Variants in SYNE1 observed in about 807,000 individuals in gnomAD.
SYNE1 encodes the protein spectrin repeat containing nuclear envelope protein 1.
Under a neutral mutation model 1,111.0 loss-of-function variants are expected in SYNE1, and 616 were observed. The ratio of observed to expected loss-of-function variants is 0.55; its 90% CI spans 0.52 to 0.59. The LOEUF (loss-of-function observed/expected upper bound fraction) is 0.59. Ranked by LOEUF, SYNE1 falls within the 20% of genes least tolerant of loss-of-function variation. SYNE1 has a pLI of 0.00. For missense variants in SYNE1, 10,006 were observed against 10,417.0 expected, an observed-to-expected ratio of 0.96 and a Z score of 1.72; for synonymous variants, 3,855 against 3,825.8, an observed-to-expected ratio of 1.01 and a Z score of -0.28.
At chr6:152,633,487 G>GC (rs2099701345) in intron 2 of SYNE1, among the ~76,000 whole-genome samples, 1 of 152,198 alleles carries the variant, frequency 6.6e-6, no homozygotes, top group South Asian at 2.1e-4. Flanking sequence ...ACAAAGGAGG[G>GC]CAAGTATTGT....
chr6:152,321,227 C>G lies in SYNE1; in HGVS notation c.16236+11G>C, dbSNP rs771327621. The stretch of plus-strand genomic sequence containing the variant: ...AAATGGAAAGACACTCTTTCTTGAT[C>G]ATAGGTTTACCTGATCTCGGATCTT... On this transcript the variant is annotated intron_variant, in intron 84 of 145. Coordinates refer to ENST00000367255, the MANE Select transcript of SYNE1 (RefSeq NM_182961.4). The G allele has an allele frequency of 9.9e-6, 16 of 1,613,248 alleles. No individual in the cohort carries two copies. The highest frequency in any genetic ancestry group is 1.4e-5 in the Non-Finnish European group (16 of 1,179,720).
chr6:152,439,319 C>T (rs2098505902), intron 32 of SYNE1, among the ~76,000 whole-genome samples: 1 of 152,164 alleles, frequency 6.6e-6, no homozygotes, highest in African/African-American at 2.4e-5. Context: ...TGGTCAGAAA[C>T]ATTTAGGAAA....
intron 62 of SYNE1, among the ~76,000 whole-genome samples, chr6:152,366,401 C>T (rs181661996): frequency 1.3e-5 from 2 of 151,846 alleles, no homozygotes; most frequent in Non-Finnish European, 2.9e-5. Flanking sequence ...GTGGCTCACA[C>T]CTGTAATCCC....
chr6:152,616,820 G>A (rs1452518478), intron 3 of SYNE1, among the ~76,000 whole-genome samples: 9 of 152,238 alleles, frequency 5.9e-5, no homozygotes, highest in Admixed American at 3.3e-4. Context: ...CCCAGGACTA[G>A]CTTCATGGTG....
At chr6:152,203,684 T>C (rs572752222) in intron 126 of SYNE1, among the ~76,000 whole-genome samples, 1 of 152,342 alleles carries the variant, frequency 6.6e-6, no homozygotes, top group East Asian at 1.9e-4. Context: ...AACTATTTTC[T>C]GGAAGCAGTG....
At chr6:152,424,112 G>A (rs538739504) in intron 39 of SYNE1, among the ~76,000 whole-genome samples, 7 of 151,916 alleles carry the variant, frequency 4.6e-5, no homozygotes, top group South Asian at 2.1e-4. Flanking sequence ...CTGTATCCTC[G>A]GCACCTAAAA....
At chr6:152,435,787 T>C in intron 33 of SYNE1, 154 bp downstream of exon 33, 1 of 928,336 alleles carries the variant, frequency 1.1e-6, no homozygotes. Flanking sequence ...GTATTAGCGA[T>C]ACTTTCTTTT....
rs2096220058 is a variant in SYNE1 at position 152,330,448 on chromosome 6, G to A, written c.14237C>T (p.Pro4746Leu). The change falls in exon 78 of 146, where the codon CCT becomes CTT. Residue 4746 changes from proline to leucine, a missense_variant. Physicochemically the swap from Pro to Leu is moderately conservative, Grantham distance 98. Around this residue, in one of 7 missense-constraint regions of SYNE1, gnomAD observed 4,955 missense variants for 5,017.2 expected, o/e 0.99. Coordinates refer to ENST00000367255, the MANE Select transcript of SYNE1 (RefSeq NM_182961.4). ...KKEGFRSTGQPWQPDKMLHLV... is the reference protein window; with the variant it reads ...KKEGFRSTGQLWQPDKMLHLV... ...GTGCAGCATCTTGTCTGGCTGCCAA[G>A]GCTGACCTGTGCTGCGAAAACCTTC... 1.9e-6 allele frequency: 3 copies of A among 1,613,996 alleles called. No individual in the cohort carries two copies. The highest frequency in any genetic ancestry group is 2.5e-6 in the Non-Finnish European group (3 of 1,180,042).
At chr6:152,523,340 C>T (rs2154351335) in intron 5 of SYNE1, among the ~76,000 whole-genome samples, 1 of 152,068 alleles carries the variant, frequency 6.6e-6, no homozygotes, top group African/African-American at 2.4e-5. Context: ...TTTTTGAATG[C>T]TTTGTCAAAG....
At chr6:152,246,633 T>C (rs1260989263) in intron 105 of SYNE1, among the ~76,000 whole-genome samples, 3 of 151,936 alleles carry the variant, frequency 2.0e-5, no homozygotes, top group African/African-American at 4.8e-5. Context: ...ACAGGTAAAA[T>C]GCAGGAAAGA....
intron 3 of SYNE1, among the ~76,000 whole-genome samples, chr6:152,566,998 T>C (rs1330466036): frequency 6.6e-6 from 1 of 151,154 alleles, no homozygotes; most frequent in East Asian, 2.0e-4. Flanking sequence ...TGTGTGTGTG[T>C]GTGTGTGTGT....
At chr6:152,580,930 G>T (rs1322630449) in intron 3 of SYNE1, among the ~76,000 whole-genome samples, 1 of 152,202 alleles carries the variant, frequency 6.6e-6, no homozygotes, top group African/African-American at 2.4e-5. Flanking sequence ...GTAAACATTT[G>T]CAGGAAGAGT....
rs144817341 is a variant in SYNE1, at chr6:152,620,798, C to G, written c.67+7467G>C. The stretch of plus-strand genomic sequence containing the variant: ...AACTATTTATATTATATGCACTTAA[C>G]AAATACTTATGAAGTGTCCATATTA... On this transcript the variant is annotated intron_variant, in intron 3 of 145. Coordinates refer to ENST00000367255, the MANE Select transcript of SYNE1 (RefSeq NM_182961.4). Among the ~76,000 whole-genome samples, 859 of 152,240 alleles carry G rather than the reference C, an allele frequency of 5.6e-3. 4 individuals carry two copies. Among genetic ancestry groups the G allele is most frequent in the Non-Finnish European group, 9.4e-3 (637 of 68,020 alleles).
intron 62 of SYNE1, 110 bp downstream of exon 62, chr6:152,367,108 G>C: frequency 7.3e-7 from 1 of 1,376,960 alleles, no homozygotes; most frequent in Non-Finnish European, 1.0e-6. Flanking sequence ...AAGCATCTGA[G>C]ATTTATCATG....
rs1468295353 is a variant in SYNE1, at chr6:152,441,255, AT to A, written c.4023del (p.Lys1341AsnfsTer12). ...TCTTTGTTTGTTTCAAATCGCTCCC[AT>A]TTTCTTAATGTGACCTAAATTTGAA... ...QERRIQVTLR[K>X]WERFETNKET... On this transcript the variant is annotated frameshift_variant, in exon 32 of 146. Transcript: ENST00000367255. LOFTEE classifies it high-confidence loss of function. 1 of 1,608,414 alleles carries A rather than the reference AT, an allele frequency of 6.2e-7. No homozygotes were observed. Among genetic ancestry groups the A allele is most frequent in the Admixed American group, 1.7e-5 (1 of 59,468 alleles).
intron 3 of SYNE1, among the ~76,000 whole-genome samples, chr6:152,552,712 C>T (rs1047405651): frequency 6.6e-6 from 1 of 152,140 alleles, no homozygotes; most frequent in African/African-American, 2.4e-5. Context: ...TCAAATTCAA[C>T]CCCCACCATG....
chr6:152,281,746 C>G (rs2094040723), intron 97 of SYNE1, 61 bp downstream of exon 97: 1 of 1,580,726 alleles, frequency 6.3e-7, no homozygotes, highest in African/African-American at 1.3e-5. Flanking sequence ...AGTATGTTTT[C>G]TGTAGTTTAA....
intron 4 of SYNE1, among the ~76,000 whole-genome samples, chr6:152,526,573 T>C (rs1422922744): frequency 6.6e-6 from 1 of 152,202 alleles, no homozygotes; most frequent in Non-Finnish European, 1.5e-5. Flanking sequence ...CAACCTCAGC[T>C]TAACTTTGTG....
intron 12 of SYNE1, among the ~76,000 whole-genome samples, chr6:152,487,359 T>C (rs1160827929): frequency 6.6e-6 from 1 of 152,232 alleles, no homozygotes; most frequent in Non-Finnish European, 1.5e-5. Context: ...TCCATCCATG[T>C]CCCTGCAAAG....
Sources: allele counts gnomAD v4.1 joint callset (sites outside exome capture counted in the v4.1 genomes callset), GRCh38; gene constraint gnomAD v4.1.1; regional missense constraint gnomAD v4.1.1; transcripts MANE v1.5; gene names NCBI Gene and HGNC (gene_info 2026-07-23, HGNC 2026-07-21).